The following LINGO2 variants were observed in gnomAD, a reference collection of about 807,000 sequenced individuals.
LINGO2 encodes leucine-rich repeat and immunoglobulin-like domain-containing nogo receptor-interacting protein 2.
Under a neutral mutation model 30.6 loss-of-function variants are expected in LINGO2, and 14 were observed. The ratio of observed to expected loss-of-function variants is 0.46; its 90% CI spans 0.30 to 0.72. The LOEUF is 0.72. Among genes scored for constraint, LINGO2 ranks in the 30% least tolerant of loss-of-function variants. The pLI is 0.07. For synonymous variants in LINGO2, 317 were observed against 288.5 expected (o/e 1.10, Z -1.00); for missense variants, 729 against 751.7 (o/e 0.97, Z 0.35).
At chr9:29,178,882 G>A in the LINGO2 span, among the ~76,000 whole-genome samples, 16 of 151,852 alleles carry the variant, frequency 1.1e-4, no homozygotes, top group African/African-American at 3.6e-4. Context: ...AAGCCACTCA[G>A]GAAATGGAAG....
At chr9:28,232,052 CTA>C (rs1226882907) in intron 4 of LINGO2, among the ~76,000 whole-genome samples, 1 of 152,054 alleles carries the variant, frequency 6.6e-6, no homozygotes, top group Non-Finnish European at 1.5e-5. Flanking sequence ...CTCTCTAAAA[CTA>C]TGTCTCTTAT....
chr9:28,231,162 C>CAAAAAA (rs71304829), intron 4 of LINGO2, among the ~76,000 whole-genome samples: 1 of 146,124 alleles, frequency 6.8e-6, no homozygotes. Context: ...GCTTAAGCCT[C>CAAAAAA]AAAAAAAAAA....
At chr9:29,188,308 CAT>C in the LINGO2 span, among the ~76,000 whole-genome samples, 413 of 151,914 alleles carry the variant, frequency 2.7e-3, no homozygotes, top group African/African-American at 8.5e-3. Context: ...GGACACAGCA[CAT>C]GTTTCAGAGA....
chr9:28,802,862 C>T, the LINGO2 span, among the ~76,000 whole-genome samples: 1 of 151,868 alleles, frequency 6.6e-6, no homozygotes, highest in African/African-American at 2.4e-5. Flanking sequence ...GTATAAGTCC[C>T]CAAACGAGAA....
intron 2 of LINGO2, among the ~76,000 whole-genome samples, chr9:28,443,290 G>A (rs1336430025): frequency 1.3e-5 from 2 of 152,214 alleles, no homozygotes; most frequent in Non-Finnish European, 2.9e-5. Context: ...AACTTATGGT[G>A]GTAGAGGCCC....
intron 4 of LINGO2, among the ~76,000 whole-genome samples, chr9:28,028,938 C>T (rs1253773955): frequency 6.6e-6 from 1 of 152,082 alleles, no homozygotes; most frequent in Non-Finnish European, 1.5e-5. Flanking sequence ...AATCTTGGTA[C>T]AGCAGGCCCC....
At chr9:29,088,901 A>G in the LINGO2 span, among the ~76,000 whole-genome samples, 72,409 of 151,816 alleles carry the variant, frequency 0.48, 18,107 homozygotes, top group African/African-American at 0.64. Context: ...GTTAAACTTA[A>G]CTGATTTAAA....
intron 4 of LINGO2, among the ~76,000 whole-genome samples, chr9:28,057,549 A>G (rs1275138291): frequency 6.7e-6 from 1 of 148,830 alleles, no homozygotes; most frequent in African/African-American, 2.4e-5. Flanking sequence ...ACATATGTAT[A>G]TAAGTATATA....
At chr9:28,752,179 T>G in the LINGO2 span, among the ~76,000 whole-genome samples, 1 of 151,870 alleles carries the variant, frequency 6.6e-6, no homozygotes, top group African/African-American at 2.4e-5. Context: ...CTGGAAACAT[T>G]GTGTAAGTAT....
the LINGO2 span, among the ~76,000 whole-genome samples, chr9:28,741,576 C>T: frequency 6.6e-6 from 1 of 151,948 alleles, no homozygotes; most frequent in East Asian, 1.9e-4. Flanking sequence ...TGTGGGGGCG[C>T]TGGTCCAGAG....
chr9:28,371,343 T>C (rs1820888410), intron 3 of LINGO2, among the ~76,000 whole-genome samples: 1 of 152,122 alleles, frequency 6.6e-6, no homozygotes, highest in Non-Finnish European at 1.5e-5. Flanking sequence ...ACAACAGAAA[T>C]GTATGTCTCA....
intron 4 of LINGO2, among the ~76,000 whole-genome samples, chr9:28,014,798 G>T (rs2119291339): frequency 6.6e-6 from 1 of 152,148 alleles, no homozygotes; most frequent in Middle Eastern, 3.4e-3. Context: ...AAGAATCTAG[G>T]TATATGTTAG....
chr9:28,658,733 G>T (rs62550185), intron 1 of LINGO2, among the ~76,000 whole-genome samples: 9,141 of 151,918 alleles, frequency 0.06, 427 homozygotes, highest in Admixed American at 0.18. Flanking sequence ...TGTTTGTTTT[G>T]TTTTGTTTTG....
chr9:28,350,358 T>G (rs181339193), intron 3 of LINGO2, among the ~76,000 whole-genome samples: 1 of 145,560 alleles, frequency 6.9e-6, no homozygotes, highest in Non-Finnish European at 1.5e-5. Flanking sequence ...TCCTAGTCTC[T>G]GATAAAACAG....
intron 4 of LINGO2, among the ~76,000 whole-genome samples, chr9:28,188,261 A>G (rs1819614066): frequency 6.8e-6 from 1 of 147,128 alleles, no homozygotes; most frequent in African/African-American, 2.5e-5. Flanking sequence ...ACCTTGGACT[A>G]CCTGTTTCTC....
the LINGO2 span, among the ~76,000 whole-genome samples, chr9:28,972,740 T>G: frequency 0.91 from 137,996 of 152,182 alleles, 62,752 homozygotes; most frequent in Non-Finnish European, 0.93. Flanking sequence ...TGAGAATCAT[T>G]GCAGAAGGTG....
exon 6 of LINGO2, chr9:27,949,605 G>A: frequency 6.2e-7 from 1 of 1,614,096 alleles, no homozygotes; most frequent in Non-Finnish European, 8.5e-7. Context: ...ACAGGCCAGA[G>A]GGTTGTTGTT....
the LINGO2 span, among the ~76,000 whole-genome samples, chr9:29,137,845 C>T: frequency 6.6e-6 from 1 of 151,958 alleles, no homozygotes; most frequent in African/African-American, 2.4e-5. Context: ...TGATATGAGG[C>T]AAGGTATTGA....
At chr9:28,904,112 A>G in the LINGO2 span, among the ~76,000 whole-genome samples, 1 of 152,212 alleles carries the variant, frequency 6.6e-6, no homozygotes, top group African/African-American at 2.4e-5. Flanking sequence ...TAAAAACAAT[A>G]CAATCATCTC....
Sources: gnomAD v4.1 joint callset for allele counts (sites outside exome capture counted in the v4.1 genomes callset) on GRCh38, gnomAD v4.1.1 for gene constraint, MANE v1.5 for transcripts, NCBI Gene and HGNC (gene_info 2026-07-23, HGNC 2026-07-21) for gene names.